Variants in TRERF1 observed in about 807,000 individuals in gnomAD.
The protein encoded by TRERF1 is transcriptional regulating factor 1.
A neutral mutation model predicts 122.9 loss-of-function variants in TRERF1; 27 were observed. The ratio of observed to expected loss-of-function variants is 0.22; its 90% CI spans 0.16 to 0.30. TRERF1 has a LOEUF of 0.30. TRERF1 is among the 10% of genes least tolerant of loss of function. TRERF1 has a pLI of 1.00. For missense variants in TRERF1, 1,248 were observed against 1,560.3 expected (o/e 0.80, Z 3.37); for synonymous variants, 636 against 641.7 (o/e 0.99, Z 0.13).
chr6:42,345,025 T>A (rs1768000429), intron 3 of TRERF1, among the ~76,000 whole-genome samples: 1 of 152,198 alleles, frequency 6.6e-6, no homozygotes, highest in Non-Finnish European at 1.5e-5. Context: ...TGAACCTATA[T>A]TATCATGGAG....
intron 14 of TRERF1, among the ~76,000 whole-genome samples, chr6:42,244,275 C>G (rs1225923093): frequency 6.6e-6 from 1 of 152,146 alleles, no homozygotes; most frequent in Non-Finnish European, 1.5e-5. Context: ...ACCTCCACCT[C>G]CTGGGTTCAA....
intron 16 of TRERF1, among the ~76,000 whole-genome samples, chr6:42,233,577 G>T (rs562655516): frequency 2.6e-5 from 4 of 152,080 alleles, no homozygotes; most frequent in African/African-American, 9.7e-5. Context: ...GAGCCACCAC[G>T]CCTGGCCTCA....
At chr6:42,264,666 C>T (rs1048360072) in intron 7 of TRERF1, 38 bp downstream of exon 7, 9 of 1,604,424 alleles carry the variant, frequency 5.6e-6, no homozygotes, top group Non-Finnish European at 6.8e-6. Flanking sequence ...GCAAGCAGCA[C>T]ACGACCTAGA....
chr6:42,402,802 G>A (rs983480437), intron 2 of TRERF1, among the ~76,000 whole-genome samples: 4 of 152,108 alleles, frequency 2.6e-5, no homozygotes, highest in South Asian at 2.1e-4. Flanking sequence ...TTCTAAGTCC[G>A]GACTAGCTGC....
Position 42,269,994 on chromosome 6 carries a change from C to G in TRERF1, c.-258-146G>C, listed in dbSNP as rs1372872589. ...AGACATGAAGTTCATTTGAGACCAG[C>G]CTGGGCAACATAGGGAGATCCCGTC... On this transcript the variant is annotated intron_variant, in intron 4 of 17. Transcript: ENST00000372922. This position sits in a 1 kb window ranked among gnomAD's most constrained non-coding sequence, Gnocchi z 4.9. 1 of 184,008 alleles carries G rather than the reference C, an allele frequency of 5.4e-6. No individual in the cohort carries two copies. Among genetic ancestry groups the G allele is most frequent in the Non-Finnish European group, 1.1e-5 (1 of 87,732 alleles). 11.4% of individuals were successfully genotyped at this position (184,008 alleles called of 1,614,324 possible). A position where few individuals can be genotyped will look rare whatever the true frequency, so the allele number is the denominator to read the frequency against.
At chr6:42,341,502 C>T (rs369714432) in intron 3 of TRERF1, among the ~76,000 whole-genome samples, 8 of 152,180 alleles carry the variant, frequency 5.3e-5, no homozygotes, top group South Asian at 2.1e-4. Flanking sequence ...TCTAAGGCCC[C>T]GGGAACAGGA....
At chr6:42,265,865 C>T in intron 5 of TRERF1, 68 bp from the exon 6 acceptor site, 1 of 1,534,766 alleles carries the variant, frequency 6.5e-7, no homozygotes, top group South Asian at 1.2e-5. Context: ...GGGAGAAGTC[C>T]TCGAGCAGTG....
intron 2 of TRERF1, among the ~76,000 whole-genome samples, chr6:42,447,627 G>C (rs1002077793): frequency 6.6e-6 from 1 of 152,200 alleles, no homozygotes; most frequent in East Asian, 1.9e-4. Flanking sequence ...ACCGCCTTTA[G>C]AGCAGGACCA....
At chr6:42,279,302 A>G (rs1430614006) in intron 4 of TRERF1, among the ~76,000 whole-genome samples, 1 of 152,170 alleles carries the variant, frequency 6.6e-6, no homozygotes, top group East Asian at 1.9e-4. Context: ...CCTGCCCCCA[A>G]GAACTTGGGG....
At chr6:42,408,672 C>T (rs970875279) in intron 2 of TRERF1, among the ~76,000 whole-genome samples, 7 of 151,916 alleles carry the variant, frequency 4.6e-5, no homozygotes, top group African/African-American at 1.7e-4. Flanking sequence ...GCCACCGCAC[C>T]CTGACATCCT....
chr6:42,286,957 C>T (rs1344694684), intron 4 of TRERF1, among the ~76,000 whole-genome samples: 4 of 130,544 alleles, frequency 3.1e-5, no homozygotes, highest in Non-Finnish European at 6.6e-5. Context: ...GAATACTATG[C>T]AGCCATAAAA....
chr6:42,395,704 G>C (rs1196663422), intron 2 of TRERF1, among the ~76,000 whole-genome samples: 2 of 151,892 alleles, frequency 1.3e-5, no homozygotes, highest in Non-Finnish European at 2.9e-5. Flanking sequence ...CCTAGTCCAT[G>C]GATTTTTTTC....
chr6:42,254,868 G>C, exon 13 of TRERF1: 1 of 1,614,216 alleles, frequency 6.2e-7, no homozygotes. Flanking sequence ...GTGGTAATTT[G>C]CTAAAGGATG....
chr6:42,379,561 C>T (rs569047540), intron 2 of TRERF1, among the ~76,000 whole-genome samples: 4 of 152,212 alleles, frequency 2.6e-5, no homozygotes, highest in East Asian at 1.9e-4. Flanking sequence ...GACAGAGTTT[C>T]GCTCTGTCAC....
At chr6:42,420,572 G>A (rs958729125) in intron 2 of TRERF1, among the ~76,000 whole-genome samples, 1 of 152,114 alleles carries the variant, frequency 6.6e-6, no homozygotes, top group African/African-American at 2.4e-5. Flanking sequence ...GTTAATTCAT[G>A]CTTATTAGAG....
intron 2 of TRERF1, among the ~76,000 whole-genome samples, chr6:42,375,102 G>A (rs1309215147): frequency 6.6e-6 from 1 of 151,826 alleles, no homozygotes; most frequent in Non-Finnish European, 1.5e-5. Context: ...AGAAACCCAG[G>A]AAGCTCAGGG....
At chr6:42,254,439 T>C (rs933029049) in intron 13 of TRERF1, among the ~76,000 whole-genome samples, 1 of 152,228 alleles carries the variant, frequency 6.6e-6, no homozygotes, top group Non-Finnish European at 1.5e-5. Flanking sequence ...AGGGATGGAA[T>C]ACAAGTCTCA....
intron 2 of TRERF1, among the ~76,000 whole-genome samples, chr6:42,407,936 T>C (rs1440370620): frequency 6.6e-6 from 1 of 151,462 alleles, no homozygotes; most frequent in African/African-American, 2.4e-5. Flanking sequence ...GTTTGAGTTC[T>C]CCACTGTATT....
chr6:42,381,923 G>A (rs1776003568), intron 2 of TRERF1, among the ~76,000 whole-genome samples: 1 of 150,422 alleles, frequency 6.6e-6, no homozygotes, highest in South Asian at 2.1e-4. Context: ...GGCTGGAACT[G>A]CCAATGGCTG....
Sources: allele counts gnomAD v4.1 joint callset (sites outside exome capture counted in the v4.1 genomes callset), GRCh38; gene constraint gnomAD v4.1.1; non-coding constraint Gnocchi (gnomAD v3.1); transcripts MANE v1.5; gene names NCBI Gene and HGNC (gene_info 2026-07-23, HGNC 2026-07-21).